The following MMUT variants were observed in gnomAD, a reference collection of about 807,000 sequenced individuals.
MMUT encodes the protein methylmalonyl-CoA mutase.
Under a neutral mutation model 79.9 loss-of-function variants are expected in MMUT, and 79 were observed. The ratio of observed to expected loss-of-function variants is 0.99; its 90% CI spans 0.82 to 1.19. The LOEUF (loss-of-function observed/expected upper bound fraction) is 1.19. Ranked by LOEUF, MMUT falls within the 50% of genes most tolerant of loss-of-function variation. The probability of loss-of-function intolerance (pLI) is 0.00; values close to 1 mark genes in which losing one functional copy is unlikely to be tolerated. For missense variants in MMUT, 860 were observed against 917.2 expected, an observed-to-expected ratio of 0.94 and a Z score of 0.81; for synonymous variants, 273 against 295.7, an observed-to-expected ratio of 0.92 and a Z score of 0.79.
In MMUT at chr6:49,430,671, T is replaced by C. The variant is rs1446205094; in HGVS notation, c.*1057A>G. ...GCTCTCTGATCTAATACAATAGAAA[T>C]TTATTAAAAAAGATAATTATTTATG... On this transcript the variant is annotated 3_prime_UTR_variant, in exon 13 of 13. Coordinates refer to ENST00000274813, the MANE Select transcript of MMUT (RefSeq NM_000255.4). The C allele has an allele frequency of 5.9e-5, 9 of 152,184 alleles. No individual in the cohort carries two copies. Among genetic ancestry groups the C allele is most frequent in the Admixed American group, 5.9e-4 (9 of 15,274 alleles). 9.4% of individuals were successfully genotyped at this position (152,184 alleles called of 1,614,324 possible). A position where few individuals can be genotyped will look rare whatever the true frequency, so the allele number is the denominator to read the frequency against.
intron 9 of MMUT, among the ~76,000 whole-genome samples, chr6:49,443,288 C>T (rs1215850882): frequency 2.6e-5 from 4 of 152,106 alleles, no homozygotes; most frequent in African/African-American, 9.7e-5. Context: ...TAATGTCTTC[C>T]TCTAGAAAAA....
chr6:49,435,550 C>T lies in MMUT; in HGVS notation c.2030G>A (p.Gly677Asp). 1 of 1,614,096 alleles carries T rather than the reference C, an allele frequency of 6.2e-7. No homozygotes were observed. The highest frequency in any genetic ancestry group is 8.5e-7 in the Non-Finnish European group (1 of 1,180,010). ...HAVGISTLAA[G>D]HKTLVPELIK... ...GAGTTCAGGAACTAGGGTTTTATGA[C>T]CAGCAGCGAGGGTGCTTATGCCCAC... The change falls in exon 12 of 13, where the codon GGT becomes GAT. Residue 677 changes from glycine to aspartate, a missense_variant. By Grantham distance (94) the Gly-to-Asp change is moderately conservative (BLOSUM62 -1). Transcript: ENST00000274813.
chr6:49,437,127 G>A lies in MMUT; in HGVS notation c.1957-1504C>T, dbSNP rs188264086. Among the ~76,000 whole-genome samples the A allele has an allele frequency of 2.5e-3, 386 of 152,040 alleles. 1 individual carries two copies. Among genetic ancestry groups the A allele is most frequent in the Non-Finnish European group, 4.6e-3 (315 of 67,976 alleles). On this transcript the variant is annotated intron_variant, in intron 11 of 12. Transcript: ENST00000274813. ...AAAGAATGTTTCCTCAAATGTTGGG[G>A]GGTCTTCCTAATGTAATGCCTACAG...
At chr6:49,434,443 A>G (rs541215235) in intron 12 of MMUT, among the ~76,000 whole-genome samples, 3 of 151,354 alleles carry the variant, frequency 2.0e-5, no homozygotes, top group Admixed American at 6.6e-5. Flanking sequence ...TTAATGGAGG[A>G]AAAAAAAACT....
In MMUT at chr6:49,444,740, C is replaced by T. The variant is rs1473894912; in HGVS notation, c.1575G>A (p.Arg525=). The part of the protein sequence containing the change: ...IEKLKKIKSS[R]DQALAERCLA... ...GACAACGTTCAGCCAAAGCTTGATC[C>T]CTGCTGGATTTGATCTATGGAAAAA... The change falls in exon 9 of 13, where the codon AGG becomes AGA. Residue 525 remains arginine (R), a synonymous_variant. Transcript: ENST00000274813. The T allele has an allele frequency of 1.9e-6, 3 of 1,612,702 alleles. No homozygotes were observed. Among genetic ancestry groups the T allele is most frequent in the Non-Finnish European group, 1.7e-6 (2 of 1,178,938 alleles).
At chr6:49,456,534 GGA>G (rs1439842889) in intron 3 of MMUT, among the ~76,000 whole-genome samples, 14 of 152,122 alleles carry the variant, frequency 9.2e-5, no homozygotes, top group African/African-American at 3.1e-4. Flanking sequence ...GCTGAGGTTA[GGA>G]ATGTAACCTT....
rs192489982 is a variant in MMUT, at chr6:49,446,706, T to A, written c.1560+964A>T. Among the ~76,000 whole-genome samples the A allele has an allele frequency of 2.0e-5, 3 of 152,020 alleles. No homozygotes were observed. The South Asian group carries it at 6.2e-4, about 32-fold the overall frequency. On this transcript the variant is annotated intron_variant, in intron 8 of 12. Transcript: ENST00000274813. ...CAATAAATGTTAACTATTATTGCTA[T>A]ATTGTCATTAATGAATTTCTCTCTG...
chr6:49,442,009 T>A, intron 9 of MMUT, 38 bp from the exon 10 acceptor site: 1 of 1,577,048 alleles, frequency 6.3e-7, no homozygotes, highest in Non-Finnish European at 8.7e-7. Context: ...ACTTCATTAT[T>A]TTGTGATAAA....
chr6:49,452,575 T>G (rs530171484), intron 5 of MMUT, among the ~76,000 whole-genome samples: 12 of 152,252 alleles, frequency 7.9e-5, no homozygotes, highest in South Asian at 4.1e-4. Flanking sequence ...CCTTGTGATC[T>G]GCCCGCCTTG....
At chr6:49,459,730 T>C (rs1476117973) in intron 1 of MMUT, among the ~76,000 whole-genome samples, 1 of 152,190 alleles carries the variant, frequency 6.6e-6, no homozygotes, top group Non-Finnish European at 1.5e-5. Context: ...TTAGCTGGTC[T>C]TACTGACCAG....
intron 9 of MMUT, among the ~76,000 whole-genome samples, chr6:49,442,542 G>A (rs1354711232): frequency 6.6e-6 from 1 of 151,982 alleles, no homozygotes; most frequent in African/African-American, 2.4e-5. Flanking sequence ...AAACTAGTAA[G>A]ACAATTTCAT....
rs749137376 is a variant in MMUT at position 49,457,757 on chromosome 6, A to G, written c.687T>C (p.Asn229=). The change falls in exon 3 of 13, where the codon AAT becomes AAC. Residue 229 remains asparagine (N), a synonymous_variant. Transcript: ENST00000274813. ...ATGGTTCTGGAGGAAAAATGTATGT[A>G]TTTCGAACCATAAATTCCTTTAGTA... ...NDILKEFMVR[N]TYIFPPEPSM... is the part of the protein sequence containing the mutation. 5.6e-6 allele frequency: 9 copies of G among 1,612,000 alleles called. No individual in the cohort carries two copies. In the South Asian group the frequency reaches 8.8e-5, roughly 16 times the overall value.
chr6:49,453,793 G>A, intron 4 of MMUT, 37 bp from the exon 5 acceptor site: 2 of 1,542,082 alleles, frequency 1.3e-6, no homozygotes, highest in South Asian at 2.2e-5. Flanking sequence ...TTTAATTAAA[G>A]TTAACAATAT....
At position 49,459,459 on chromosome 6, in the gene MMUT, C is replaced by T. The variant is rs1767783379; in HGVS notation, c.8G>A (p.Arg3Lys). ...AAGTAAAAAAAGCTGATTCTTAGCT[C>T]TTAACATGGTGGAGCATGGAAACAC... The part of the protein sequence containing the change: ML[R>K]AKNQLFLLSP... Residue 3 changes from arginine (R) to lysine (K), a missense_variant, in exon 2 of 13, where the codon AGA becomes AAA. Physicochemically the swap from Arg to Lys is conservative, Grantham distance 26 (BLOSUM62 2). Coordinates refer to ENST00000274813, the MANE Select transcript of MMUT (RefSeq NM_000255.4). 6.2e-7 allele frequency: 1 copy of T among 1,611,296 alleles called. No homozygotes were observed. Among genetic ancestry groups the T allele is most frequent in the Non-Finnish European group, 8.5e-7 (1 of 1,179,980 alleles).
rs1316976364 is a variant in MMUT, at chr6:49,440,232, C to G, written c.1930G>C (p.Asp644His). 1 of 1,614,098 alleles carries G rather than the reference C, an allele frequency of 6.2e-7. No individual in the cohort carries two copies. The highest frequency in any genetic ancestry group is 8.5e-7 in the Non-Finnish European group (1 of 1,179,970). The change falls in exon 11 of 13, where the codon GAT (aspartate) becomes CAT (histidine). Residue 644 changes from aspartate to histidine, a missense_variant. Transcript: ENST00000274813. ...IATGFADLGF[D>H]VDIGPLFQTP... is the part of the protein sequence containing the mutation. ...TGGAAAAGAGGGCCTATGTCCACAT[C>G]AAAACCAAGATCAGCAAATCCTGTA... is the stretch of plus-strand genomic sequence containing the variant.
chr6:49,459,123 G>A lies in MMUT; in HGVS notation c.344C>T (p.Thr115Ile). 3 of 1,614,094 alleles carry A rather than the reference G, an allele frequency of 1.9e-6. No homozygotes were observed. The highest frequency in any genetic ancestry group is 2.5e-6 in the Non-Finnish European group (3 of 1,180,006). Reference sequence around the variant, plus strand: ...ATAGAACTTATTGCTTTCTTCCACAGTACTAAAACCAGCATACTGGCGGAT... The same window carrying A: ...ATAGAACTTATTGCTTTCTTCCACAATACTAAAACCAGCATACTGGCGGAT... ...WTIRQYAGFS[T>I]VEESNKFYKD... The change falls in exon 2 of 13, where the codon ACT becomes ATT. Residue 115 changes from threonine to isoleucine, a missense_variant. By Grantham distance (89) the Thr-to-Ile change is moderately conservative. Coordinates refer to ENST00000274813, the MANE Select transcript of MMUT (RefSeq NM_000255.4).
chr6:49,443,675 T>A, intron 9 of MMUT: 1 of 240,764 alleles, frequency 4.2e-6, no homozygotes. Flanking sequence ...AATAGAAAAA[T>A]AATAAAAATT....
intron 8 of MMUT, among the ~76,000 whole-genome samples, chr6:49,445,704 A>G (rs1180677194): frequency 6.6e-6 from 1 of 152,124 alleles, no homozygotes; most frequent in East Asian, 1.9e-4. Flanking sequence ...ATAACAAGAA[A>G]AAAGTCTGTA....
intron 2 of MMUT, 135 bp from the exon 3 acceptor site, chr6:49,458,193 ACAT>A: frequency 1.2e-6 from 1 of 849,956 alleles, no homozygotes; most frequent in Non-Finnish European, 1.8e-6. Context: ...TTATGCTCAT[ACAT>A]GTCAAAACCA....
Sources: allele counts gnomAD v4.1 joint callset (sites outside exome capture counted in the v4.1 genomes callset), GRCh38; gene constraint gnomAD v4.1.1; transcripts MANE v1.5; gene names NCBI Gene and HGNC (gene_info 2026-07-23, HGNC 2026-07-21).